Variants in MDFIC2 observed in about 807,000 individuals in gnomAD.
The protein encoded by MDFIC2 is MyoD family inhibitor domain containing 2.
intron 2 of MDFIC2, among the ~76,000 whole-genome samples, chr3:70,234,897 C>T (rs1486931004): frequency 2.6e-5 from 4 of 152,136 alleles, no homozygotes; most frequent in Admixed American, 6.5e-5. Context: ...TTAAACGCTG[C>T]CTTGGACATC....
At chr3:70,308,908 G>A (rs1206238635) in intron 2 of MDFIC2, among the ~76,000 whole-genome samples, 4 of 152,114 alleles carry the variant, frequency 2.6e-5, no homozygotes, top group South Asian at 2.1e-4. Context: ...GTTCCAAGCC[G>A]AATAAGGCAT....
intron 2 of MDFIC2, among the ~76,000 whole-genome samples, chr3:70,240,926 T>C (rs1202035708): frequency 6.6e-6 from 1 of 152,182 alleles, no homozygotes; most frequent in African/African-American, 2.4e-5. Flanking sequence ...CTTATAAAAG[T>C]TGATTCATCA....
chr3:70,286,491 G>A (rs1164090464), intron 2 of MDFIC2, among the ~76,000 whole-genome samples: 3 of 151,676 alleles, frequency 2.0e-5, no homozygotes, highest in Non-Finnish European at 2.9e-5. Context: ...GTCAGGTAGT[G>A]TGATGCCTCC....
intron 2 of MDFIC2, among the ~76,000 whole-genome samples, chr3:70,254,573 G>T (rs994424543): frequency 6.6e-6 from 1 of 152,128 alleles, no homozygotes; most frequent in African/African-American, 2.4e-5. Flanking sequence ...CTAATGGTGA[G>T]GTGGCAGAGG....
chr3:70,312,450 G>A (rs1241556126), intron 1 of MDFIC2, 101 bp downstream of exon 1: 1 of 152,252 alleles, frequency 6.6e-6, no homozygotes, highest in Non-Finnish European at 1.5e-5. Flanking sequence ...GCTCCCTGAA[G>A]GTGTTGACGA....
At chr3:70,302,262 AT>A (rs917580264) in intron 2 of MDFIC2, among the ~76,000 whole-genome samples, 10 of 150,472 alleles carry the variant, frequency 6.6e-5, no homozygotes, top group Non-Finnish European at 1.5e-4. Context: ...TTTATCTTTT[AT>A]TTTTTTTTAC....
chr3:70,304,811 G>GA (rs1471903787), intron 2 of MDFIC2, among the ~76,000 whole-genome samples: 1 of 151,902 alleles, frequency 6.6e-6, no homozygotes, highest in Non-Finnish European at 1.5e-5. Context: ...CCAAATAGGC[G>GA]AAAAAAATAT....
chr3:70,309,592 G>A (rs1702437434), intron 2 of MDFIC2, among the ~76,000 whole-genome samples: 1 of 152,058 alleles, frequency 6.6e-6, no homozygotes, highest in African/African-American at 2.4e-5. Context: ...TAGAAACCAT[G>A]CCTGCCTGAT....
chr3:70,237,639 A>G (rs1254248946), intron 2 of MDFIC2, among the ~76,000 whole-genome samples: 1 of 152,242 alleles, frequency 6.6e-6, no homozygotes, highest in Non-Finnish European at 1.5e-5. Context: ...TAAACTTGGA[A>G]TCCATGTATT....
intron 3 of MDFIC2, among the ~76,000 whole-genome samples, chr3:70,203,855 A>T (rs1359981240): frequency 6.6e-6 from 1 of 152,112 alleles, no homozygotes; most frequent in African/African-American, 2.4e-5. Flanking sequence ...TTTCTTATCC[A>T]CAGAGAAGCT....
chr3:70,220,263 G>A (rs924397456), intron 2 of MDFIC2, among the ~76,000 whole-genome samples: 2 of 151,774 alleles, frequency 1.3e-5, no homozygotes, highest in Admixed American at 6.6e-5. Context: ...AAAATATGCC[G>A]CATTAAAAAA....
intron 2 of MDFIC2, among the ~76,000 whole-genome samples, chr3:70,244,328 C>T (rs1447431102): frequency 6.6e-6 from 1 of 152,150 alleles, no homozygotes; most frequent in East Asian, 1.9e-4. Context: ...TCATGTTTAA[C>T]ATTTTCTCAA....
At chr3:70,276,229 A>G (rs1393467955) in intron 2 of MDFIC2, among the ~76,000 whole-genome samples, 4 of 152,170 alleles carry the variant, frequency 2.6e-5, no homozygotes, top group Non-Finnish European at 2.9e-5. Flanking sequence ...CTTGCAATAC[A>G]ATTTTTTACT....
At chr3:70,253,255 A>G (rs1027737858) in intron 2 of MDFIC2, among the ~76,000 whole-genome samples, 8 of 152,150 alleles carry the variant, frequency 5.3e-5, no homozygotes, top group African/African-American at 1.7e-4. Flanking sequence ...GAAAGAAGTA[A>G]TAGAGGGAGC....
chr3:70,206,519 TG>T (rs1169455634), intron 3 of MDFIC2, 49 bp downstream of exon 3: 9 of 396,804 alleles, frequency 2.3e-5, no homozygotes, highest in Non-Finnish European at 4.0e-5. Flanking sequence ...TTACAGGGGA[TG>T]GGGGTTGGGA....
intron 2 of MDFIC2, among the ~76,000 whole-genome samples, chr3:70,281,436 C>A (rs937206290): frequency 7.9e-5 from 12 of 152,106 alleles, no homozygotes; most frequent in African/African-American, 2.9e-4. Flanking sequence ...TTACCATTTT[C>A]TAGGCAAGTA....
At chr3:70,219,571 A>G (rs6799511) in intron 2 of MDFIC2, among the ~76,000 whole-genome samples, 49,472 of 152,082 alleles carry the variant, frequency 0.33, 10,458 homozygotes, top group Non-Finnish European at 0.47. Flanking sequence ...CTGAGAAATA[A>G]TCTTAAGGAT....
intron 2 of MDFIC2, among the ~76,000 whole-genome samples, chr3:70,284,421 AAG>A (rs1702120052): frequency 6.6e-6 from 1 of 152,170 alleles, no homozygotes; most frequent in Non-Finnish European, 1.5e-5. Flanking sequence ...CAAAAACAAA[AAG>A]AGAACCTCTC....
intron 2 of MDFIC2, among the ~76,000 whole-genome samples, chr3:70,256,093 G>A (rs1196689608): frequency 6.6e-6 from 1 of 152,160 alleles, no homozygotes; most frequent in African/African-American, 2.4e-5. Flanking sequence ...AGGGTTTTAG[G>A]TAATGGAGCA....
Sources: gnomAD v4.1 joint callset for allele counts (sites outside exome capture counted in the v4.1 genomes callset) on GRCh38, gnomAD v4.1.1 for gene constraint, MANE v1.5 for transcripts, NCBI Gene and HGNC (gene_info 2026-07-23, HGNC 2026-07-21) for gene names.